The following S100Z variants were observed in gnomAD, a reference collection of about 807,000 sequenced individuals.
S100Z encodes the protein protein S100-Z.
A neutral mutation model predicts 8.5 loss-of-function variants in S100Z; 11 were observed. That is an observed-to-expected ratio of 1.30 (90% CI 0.82 to 2.15). The LOEUF (loss-of-function observed/expected upper bound fraction) is 2.15. Ranked by LOEUF, S100Z falls within the 30% of genes most tolerant of loss-of-function variation. S100Z has a pLI of 0.00. For missense variants in S100Z, 126 were observed against 117.9 expected, an observed-to-expected ratio of 1.07 and a Z score of -0.32; for synonymous variants, 34 against 43.8, an observed-to-expected ratio of 0.78 and a Z score of 0.89.
At chr5:76,941,364 G>T in the S100Z span, among the ~76,000 whole-genome samples, 1 of 152,052 alleles carries the variant, frequency 6.6e-6, no homozygotes, top group Admixed American at 6.6e-5. Flanking sequence ...TTTTTCCCAT[G>T]CTGTTCTTGT....
intron 1 of S100Z, among the ~76,000 whole-genome samples, chr5:76,868,234 A>C (rs1742856203): frequency 1.3e-5 from 2 of 152,194 alleles, no homozygotes; most frequent in Admixed American, 1.3e-4. Context: ...TAGGATTTCA[A>C]GTGCATTCTG....
intron 1 of S100Z, among the ~76,000 whole-genome samples, chr5:76,864,952 C>A (rs1046091275): frequency 2.0e-5 from 3 of 152,122 alleles, no homozygotes; most frequent in African/African-American, 7.2e-5. Context: ...CATGATCAGC[C>A]CGCCTCAGCC....
At chr5:76,895,648 T>C (rs1486608061) in intron 4 of S100Z, among the ~76,000 whole-genome samples, 4 of 151,988 alleles carry the variant, frequency 2.6e-5, no homozygotes, top group Admixed American at 6.6e-5. Flanking sequence ...TCATAAAGAA[T>C]AGGGTATCCT....
intron 4 of S100Z, among the ~76,000 whole-genome samples, chr5:76,908,756 T>C: frequency 6.6e-6 from 1 of 152,218 alleles, no homozygotes; most frequent in Non-Finnish European, 1.5e-5. Context: ...GGAGATCCCT[T>C]TCCTCCCTCA....
intron 1 of S100Z, among the ~76,000 whole-genome samples, chr5:76,868,623 CTTTT>C (rs35398110): frequency 4.1e-5 from 5 of 122,792 alleles, no homozygotes; most frequent in Non-Finnish European, 6.6e-5. Context: ...AATTCAAACT[CTTTT>C]TTTTTTTTTT....
chr5:76,936,083 A>C, the S100Z span, among the ~76,000 whole-genome samples: 2 of 152,158 alleles, frequency 1.3e-5, no homozygotes, highest in Non-Finnish European at 2.9e-5. Context: ...GGCCAAAATA[A>C]TGACTTTTAA....
intron 4 of S100Z, among the ~76,000 whole-genome samples, chr5:76,886,004 G>A (rs62363093): frequency 3.2e-4 from 48 of 150,420 alleles, no homozygotes; most frequent in South Asian, 8.5e-4. Context: ...CCCCAGAAAA[G>A]TGGAGAGAAA....
chr5:76,939,165 C>G, the S100Z span, among the ~76,000 whole-genome samples: 1 of 121,448 alleles, frequency 8.2e-6, no homozygotes, highest in African/African-American at 3.1e-5. Flanking sequence ...TTTTTTTTTT[C>G]TTTTAGATAC....
intron 1 of S100Z, among the ~76,000 whole-genome samples, chr5:76,859,507 G>A (rs912160583): frequency 5.3e-5 from 8 of 151,998 alleles, no homozygotes; most frequent in African/African-American, 1.9e-4. Context: ...TCGGCCGGGG[G>A]CAGTGGCTCA....
intron 1 of S100Z, among the ~76,000 whole-genome samples, chr5:76,866,872 A>T (rs1486943352): frequency 6.6e-6 from 1 of 152,226 alleles, no homozygotes; most frequent in Non-Finnish European, 1.5e-5. Flanking sequence ...CTTTAGGTAC[A>T]CAACATTTAT....
chr5:76,913,171 A>T (rs976721164), intron 4 of S100Z, among the ~76,000 whole-genome samples: 13 of 152,364 alleles, frequency 8.5e-5, no homozygotes, highest in South Asian at 4.1e-4. Context: ...GCCTGAAAGC[A>T]CTGAGGCCAC....
chr5:76,873,262 T>C (rs552732886), intron 2 of S100Z, among the ~76,000 whole-genome samples: 1 of 152,212 alleles, frequency 6.6e-6, no homozygotes, highest in South Asian at 2.1e-4. Flanking sequence ...TACTCCTAAG[T>C]ATTCAAAATA....
intron 4 of S100Z, among the ~76,000 whole-genome samples, chr5:76,878,484 C>T (rs575637513): frequency 2.0e-4 from 31 of 152,308 alleles, no homozygotes; most frequent in African/African-American, 6.7e-4. Flanking sequence ...GGCTGAGCCT[C>T]GGTAGGCCCC....
intron 4 of S100Z, among the ~76,000 whole-genome samples, chr5:76,887,660 A>T (rs2150656734): frequency 6.6e-6 from 1 of 152,128 alleles, no homozygotes; most frequent in African/African-American, 2.4e-5. Context: ...GGCCTCCCAG[A>T]GTGCTGGGAT....
At chr5:76,893,356 C>T (rs929214189) in intron 4 of S100Z, among the ~76,000 whole-genome samples, 2 of 151,960 alleles carry the variant, frequency 1.3e-5, no homozygotes, top group African/African-American at 4.8e-5. Context: ...TCAGCCTGGC[C>T]AACATGGCAA....
intron 1 of S100Z, among the ~76,000 whole-genome samples, chr5:76,858,757 C>G (rs1279928448): frequency 6.6e-6 from 1 of 152,094 alleles, no homozygotes; most frequent in African/African-American, 2.4e-5. Flanking sequence ...AGAGATGATA[C>G]AAAAGAAACA....
the S100Z span, among the ~76,000 whole-genome samples, chr5:76,952,022 G>A: frequency 6.6e-6 from 1 of 152,142 alleles, no homozygotes; most frequent in Admixed American, 6.5e-5. Flanking sequence ...ACAATGCTTG[G>A]TGCAGAGACT....
At chr5:76,871,406 A>T (rs1743005301) in intron 2 of S100Z, among the ~76,000 whole-genome samples, 1 of 152,144 alleles carries the variant, frequency 6.6e-6, no homozygotes, top group Non-Finnish European at 1.5e-5. Context: ...TCTACATAAG[A>T]AGAACCTTGG....
the S100Z span, among the ~76,000 whole-genome samples, chr5:76,941,205 G>A: frequency 6.6e-6 from 1 of 152,180 alleles, no homozygotes; most frequent in South Asian, 2.1e-4. Flanking sequence ...AGTGAATTGG[G>A]GCGCCAAGAT....
Sources: gnomAD v4.1 joint callset for allele counts (sites outside exome capture counted in the v4.1 genomes callset) on GRCh38, gnomAD v4.1.1 for gene constraint, MANE v1.5 for transcripts, NCBI Gene and HGNC (gene_info 2026-07-23, HGNC 2026-07-21) for gene names.